The following PTPRD variants were observed in gnomAD, a reference collection of about 807,000 sequenced individuals.
PTPRD encodes the protein protein tyrosine phosphatase receptor type D.
Under a neutral mutation model 214.5 loss-of-function variants are expected in PTPRD, and 34 were observed. The ratio of observed to expected loss-of-function variants is 0.16; its 90% confidence interval spans 0.12 to 0.21. The LOEUF (loss-of-function observed/expected upper bound fraction) is 0.21, where lower values mean the gene tolerates loss of function less well. Ranked by LOEUF, PTPRD falls within the 10% of genes least tolerant of loss-of-function variation. The pLI, the probability that PTPRD is intolerant of heterozygous loss-of-function variation, is 1.00. For synonymous variants in PTPRD, 1,128 were observed against 845.7 expected (o/e 1.33, Z -5.79); for missense variants, 2,545 against 2,398.7 (o/e 1.06, Z -1.27).
chr9:8,338,847 CAG>C (rs4008208), intron 43 of PTPRD, 73 bp downstream of exon 43: 176,618 of 1,054,766 alleles, frequency 0.17, 8,441 homozygotes, highest in Admixed American at 0.34. Flanking sequence ...GTGCTTCTCC[CAG>C]AGAGAGAGAG....
chr9:10,536,286 A>T (rs1442182492), intron 2 of PTPRD, among the ~76,000 whole-genome samples: 1 of 152,140 alleles, frequency 6.6e-6, no homozygotes, highest in African/African-American at 2.4e-5. Context: ...ACATTTAAAA[A>T]TTTGGGGGAT....
chr9:10,529,103 G>C (rs983873434), intron 2 of PTPRD, among the ~76,000 whole-genome samples: 1 of 151,978 alleles, frequency 6.6e-6, no homozygotes, highest in Non-Finnish European at 1.5e-5. Flanking sequence ...AAATAGATTT[G>C]ATCTCCTTGA....
chr9:8,459,452 G>A (rs1040450215), intron 33 of PTPRD, among the ~76,000 whole-genome samples: 1 of 151,874 alleles, frequency 6.6e-6, no homozygotes, highest in Admixed American at 6.6e-5. Flanking sequence ...ATAAAGGGAA[G>A]TAATTTTGAA....
At chr9:9,160,757 T>C (rs909015517) in intron 10 of PTPRD, among the ~76,000 whole-genome samples, 5 of 152,278 alleles carry the variant, frequency 3.3e-5, no homozygotes, top group African/African-American at 9.6e-5. Flanking sequence ...TTATTCACAA[T>C]AGCCAAGATA....
At chr9:10,250,383 T>A (rs1336885965) in intron 3 of PTPRD, among the ~76,000 whole-genome samples, 1 of 152,100 alleles carries the variant, frequency 6.6e-6, no homozygotes, top group Non-Finnish European at 1.5e-5. Flanking sequence ...ACTTTTGAAC[T>A]CCTGCCAAGA....
In PTPRD at chr9:9,947,620, A is replaced by T. The variant is rs1300812521; in HGVS notation, c.-471-9010T>A. Among the ~76,000 whole-genome samples the T allele has an allele frequency of 4.1e-4, 27 of 66,112 alleles. 1 individual carries two copies. The highest frequency in any genetic ancestry group is 6.5e-4 in the Non-Finnish European group (24 of 37,118). 43.4% of individuals were successfully genotyped at this position (66,112 alleles called of 152,430 possible). On this transcript the variant is annotated intron_variant, in intron 4 of 45. Transcript: ENST00000381196. ...TAATATATATATTTTATATATATAT[A>T]TTTTAAATATATATTTTATATATAT... is the stretch of plus-strand genomic sequence containing the variant.
intron 12 of PTPRD, among the ~76,000 whole-genome samples, chr9:8,683,103 A>T (rs1349919145): frequency 6.6e-6 from 1 of 152,172 alleles, no homozygotes; most frequent in Non-Finnish European, 1.5e-5. Context: ...GAGGAATATA[A>T]AAAAAGAGCA....
chr9:10,441,620 A>G (rs2098759238), intron 2 of PTPRD, among the ~76,000 whole-genome samples: 2 of 151,476 alleles, frequency 1.3e-5, no homozygotes, highest in Admixed American at 1.3e-4. Context: ...TTACTATACT[A>G]TACTCATCTG....
chr9:8,896,126 G>C (rs1031736588), intron 11 of PTPRD, among the ~76,000 whole-genome samples: 1 of 152,194 alleles, frequency 6.6e-6, no homozygotes, highest in Non-Finnish European at 1.5e-5. Context: ...ACTGTGAGCA[G>C]TAGTGATTTC....
At chr9:9,762,347 A>G (rs2154476408) in intron 6 of PTPRD, among the ~76,000 whole-genome samples, 1 of 152,332 alleles carries the variant, frequency 6.6e-6, no homozygotes. Context: ...TTGAAGTGAC[A>G]GTCTAGCTAC....
chr9:10,433,657 G>A lies in PTPRD; in HGVS notation c.-599-92640C>T, dbSNP rs561116732. Among the ~76,000 whole-genome samples, 3 of 152,000 alleles carry A rather than the reference G, an allele frequency of 2.0e-5. No individual in the cohort carries two copies. The South Asian group carries it at 6.2e-4, about 32-fold the overall frequency. On this transcript the variant is annotated intron_variant, in intron 2 of 45. Coordinates refer to ENST00000381196, the MANE Select transcript of PTPRD (RefSeq NM_002839.4). ...TTTGGAAATAGATAAAAGCAATGGG[G>A]AGGAATACAACATTATAAAAAAGTA... is the stretch of plus-strand genomic sequence containing the variant.
At chr9:9,191,440 C>T (rs981389715) in intron 9 of PTPRD, among the ~76,000 whole-genome samples, 9 of 152,044 alleles carry the variant, frequency 5.9e-5, no homozygotes, top group Admixed American at 3.9e-4. Context: ...AGAGGCACCC[C>T]GCTAATGCAG....
Position 8,465,544 on chromosome 9 carries a change from A to T in PTPRD, c.3636T>A (p.Gly1212=). 6.2e-7 allele frequency: 1 copy of T among 1,612,634 alleles called. No homozygotes were observed. The highest frequency in any genetic ancestry group is 8.5e-7 in the Non-Finnish European group (1 of 1,179,076). The change falls in exon 32 of 46, where the codon GGT becomes GGA. Residue 1212 remains glycine (G), a synonymous_variant. Coordinates refer to ENST00000381196, the MANE Select transcript of PTPRD (RefSeq NM_002839.4). ...EFTLGDDKHY[G]GFTNKQLQSG... ...TTTGGAGTTGCTTGTTTGTAAATCC[A>T]CCATAATGCTTGTCATCCCCCAGGG...
intron 5 of PTPRD, among the ~76,000 whole-genome samples, chr9:9,903,520 A>T (rs10978073): frequency 6.6e-6 from 1 of 152,124 alleles, no homozygotes; most frequent in Non-Finnish European, 1.5e-5. Context: ...CATGAAACAG[A>T]TTAGTTCTGT....
intron 5 of PTPRD, among the ~76,000 whole-genome samples, chr9:9,819,269 A>G (rs918209612): frequency 4.6e-5 from 7 of 152,080 alleles, no homozygotes; most frequent in Non-Finnish European, 1.0e-4. Flanking sequence ...ACAGGTCTCT[A>G]TAACGATTTA....
At chr9:8,826,374 TG>T (rs1209431736) in intron 11 of PTPRD, among the ~76,000 whole-genome samples, 1 of 152,186 alleles carries the variant, frequency 6.6e-6, no homozygotes, top group Admixed American at 6.5e-5. Flanking sequence ...GTGCCTTAAA[TG>T]AAATCCAATC....
At chr9:9,112,468 T>A (rs538004557) in intron 10 of PTPRD, among the ~76,000 whole-genome samples, 2 of 152,166 alleles carry the variant, frequency 1.3e-5, no homozygotes, top group Non-Finnish European at 2.9e-5. Context: ...TTCAATCATG[T>A]TGCAGATCTA....
chr9:9,834,417 A>AAATT (rs2153613541), intron 5 of PTPRD, among the ~76,000 whole-genome samples: 1 of 152,188 alleles, frequency 6.6e-6, no homozygotes, highest in East Asian at 1.9e-4. Flanking sequence ...TGAACTCCAC[A>AAATT]AATTCACCAA....
chr9:9,629,164 A>G (rs986427018), intron 7 of PTPRD, among the ~76,000 whole-genome samples: 2 of 151,152 alleles, frequency 1.3e-5, no homozygotes, highest in Admixed American at 1.3e-4. Flanking sequence ...ACAGAGCGAG[A>G]CTCTGTGAAA....
Sources: gnomAD v4.1 joint callset for allele counts (sites outside exome capture counted in the v4.1 genomes callset) on GRCh38, gnomAD v4.1.1 for gene constraint, MANE v1.5 for transcripts, NCBI Gene and HGNC (gene_info 2026-07-23, HGNC 2026-07-21) for gene names.